The following PIK3R6 variants were observed in gnomAD, a reference collection of about 807,000 sequenced individuals.
The protein encoded by PIK3R6 is phosphoinositide-3-kinase regulatory subunit 6.
Under a neutral mutation model 84.9 loss-of-function variants are expected in PIK3R6, and 91 were observed. The observed-to-expected ratio is 1.07, with a 90% confidence interval of 0.90 to 1.28. The LOEUF (loss-of-function observed/expected upper bound fraction) is 1.28. PIK3R6 is among the 50% of genes most tolerant of loss of function. The pLI is 0.00. For missense variants in PIK3R6, 996 were observed against 985.1 expected (o/e 1.01, Z -0.15); for synonymous variants, 416 against 411.4 (o/e 1.01, Z -0.13).
At position 8,821,863 on chromosome 17, in the gene PIK3R6, G is replaced by A; in HGVS notation, c.1862C>T (p.Pro621Leu). The change falls in exon 17 of 20, where the codon CCA (proline) becomes CTA (leucine). Residue 621 changes from proline (P) to leucine (L), a missense_variant. Transcript: ENST00000619866. The part of the protein sequence containing the change: ...RATGLILKAI[P>L]ASDTEVSGSS... ...TTCCTCACCTTCTGTGTCGCTGGCT[G>A]GAATGGCCTTCAGGATCAGCCCAGT... 2 of 1,596,620 alleles carry A rather than the reference G, an allele frequency of 1.3e-6. No homozygotes were observed. Among genetic ancestry groups the A allele is most frequent in the Non-Finnish European group, 1.7e-6 (2 of 1,171,442 alleles).
intron 1 of PIK3R6, among the ~76,000 whole-genome samples, chr17:8,866,396 G>A (rs1597451333): frequency 1.3e-5 from 2 of 152,050 alleles, no homozygotes; most frequent in East Asian, 3.9e-4. Flanking sequence ...CAAAAAATTA[G>A]CCAGGCGTGG....
In PIK3R6 at chr17:8,833,541, CT is replaced by C. The variant is rs3884448; in HGVS notation, c.646-497del. 4.5e-3 allele frequency among the ~76,000 whole-genome samples: 587 copies of C among 130,760 alleles called. 5 individuals are homozygous for C. Among genetic ancestry groups the C allele is most frequent in the South Asian group, 0.015 (60 of 4,112 alleles). The allele number at this position is 130,760 out of a possible 152,430, so 85.8% of individuals were successfully genotyped here. The stretch of plus-strand genomic sequence containing the variant: ...TGGGAAGCCCCCCCTGAGAAAGTGA[CT>C]TTTTTTTTTTTTTTTTTGAGACGGA... On this transcript the variant is annotated intron_variant, in intron 8 of 19. Coordinates refer to ENST00000619866, the MANE Select transcript of PIK3R6 (RefSeq NM_001010855.4).
chr17:8,815,038 C>T (rs1191744183), intron 18 of PIK3R6, among the ~76,000 whole-genome samples: 2 of 152,120 alleles, frequency 1.3e-5, no homozygotes, highest in African/African-American at 4.8e-5. Flanking sequence ...CAGACAGAAT[C>T]GACAAAATCA....
intron 1 of PIK3R6, among the ~76,000 whole-genome samples, chr17:8,859,978 C>G (rs1279336181): frequency 6.6e-6 from 1 of 152,174 alleles, no homozygotes. Flanking sequence ...AGTGGCCTGA[C>G]TAATACAATG....
At chr17:8,866,803 C>T (rs1173788566) in intron 1 of PIK3R6, among the ~76,000 whole-genome samples, 3 of 152,134 alleles carry the variant, frequency 2.0e-5, no homozygotes, top group Non-Finnish European at 4.4e-5. Flanking sequence ...CCTCCTGGCT[C>T]GCTGAGGACC....
At position 8,855,026 on chromosome 17, in the gene PIK3R6, C is replaced by G. The variant is rs536860487; in HGVS notation, c.-91-5141G>C. ...TGGCCAATATAGTGAAACCCCATTT[C>G]TACTAAAAATACAAACATTAGTTGG... On this transcript the variant is annotated intron_variant, in intron 1 of 19. Transcript: ENST00000619866. Among the ~76,000 whole-genome samples, 8 of 152,246 alleles carry G rather than the reference C, an allele frequency of 5.3e-5. No homozygotes were observed. In the South Asian group the frequency reaches 1.7e-3, roughly 32 times the overall value.
intron 18 of PIK3R6, among the ~76,000 whole-genome samples, chr17:8,812,534 A>C (rs958987517): frequency 2.6e-5 from 4 of 152,212 alleles, no homozygotes; most frequent in African/African-American, 9.6e-5. Flanking sequence ...TTTTTTAAAA[A>C]CCTGAAGTCA....
chr17:8,840,321 CCTCCAAATATGTATATGAAATATATAT>C (rs1432838577), intron 2 of PIK3R6, among the ~76,000 whole-genome samples: 3,021 of 135,990 alleles, frequency 0.022, 81 homozygotes, highest in Non-Finnish European at 0.032. Flanking sequence ...ATATATATAG[CCTCCAAATATGTATATGAAATATATAT>C]AGCCTCCAAA....
rs758543919 is a variant in PIK3R6 at position 8,836,567 on chromosome 17, C to T, written c.441G>A (p.Glu147=). ...MVIAEQNLTN[E]LYPYQERVFL... is the part of the protein sequence containing the mutation. ...CTCACCTCTCCTGGTAGGGATACAG[C>T]TCATTCGTCAAGTTCTGTTCGGCAA... Residue 147 remains glutamate, a synonymous_variant, in exon 7 of 20, where the codon GAG becomes GAA. Transcript: ENST00000619866. 6.2e-7 allele frequency: 1 copy of T among 1,614,000 alleles called. No homozygotes were observed. The highest frequency in any genetic ancestry group is 2.2e-5 in the East Asian group (1 of 44,884).
At chr17:8,804,662 A>T (rs1408472426) in intron 18 of PIK3R6, among the ~76,000 whole-genome samples, 1 of 152,178 alleles carries the variant, frequency 6.6e-6, no homozygotes, top group East Asian at 1.9e-4. Context: ...AAGCACCCCC[A>T]GGCATCCTTA....
chr17:8,843,875 C>T (rs2088753303), intron 2 of PIK3R6, among the ~76,000 whole-genome samples: 2 of 152,030 alleles, frequency 1.3e-5, no homozygotes. Flanking sequence ...CTCTGCCTGG[C>T]CCCTGGAGGC....
At chr17:8,850,108 A>G (rs1176464357) in intron 1 of PIK3R6, among the ~76,000 whole-genome samples, 2 of 152,162 alleles carry the variant, frequency 1.3e-5, no homozygotes, top group African/African-American at 2.4e-5. Context: ...GTTCGAGACC[A>G]GCCCAACAAA....
intron 1 of PIK3R6, among the ~76,000 whole-genome samples, chr17:8,855,633 G>C (rs147306008): frequency 2.9e-4 from 44 of 152,336 alleles, no homozygotes; most frequent in African/African-American, 9.9e-4. Context: ...TGGGATACAT[G>C]TGCAGAACGT....
chr17:8,853,255 G>A (rs1404911177), intron 1 of PIK3R6, among the ~76,000 whole-genome samples: 1 of 151,758 alleles, frequency 6.6e-6, no homozygotes, highest in Non-Finnish European at 1.5e-5. Flanking sequence ...GGAGGCCGAG[G>A]GGGGCAGATC....
chr17:8,853,873 G>A (rs928369508), intron 1 of PIK3R6, among the ~76,000 whole-genome samples: 11 of 151,208 alleles, frequency 7.3e-5, no homozygotes, highest in Non-Finnish European at 1.5e-4. Context: ...TGAGGCAGGA[G>A]AATCGTTTGA....
chr17:8,840,304 ATATGAAATATATATAGCCTCCAAATATG>A (rs1269666280), intron 2 of PIK3R6, among the ~76,000 whole-genome samples: 95 of 140,566 alleles, frequency 6.8e-4, no homozygotes, highest in African/African-American at 2.4e-3. Flanking sequence ...ACAAATATGT[ATATGAAATATATATAGCCTCCAAATATG>A]TATATGAAAT....
chr17:8,822,342 T>C (rs908831420), intron 16 of PIK3R6, among the ~76,000 whole-genome samples: 1 of 152,178 alleles, frequency 6.6e-6, no homozygotes, highest in Non-Finnish European at 1.5e-5. Flanking sequence ...GCAAGGAAGA[T>C]ATTTTTTAGC....
At position 8,804,003 on chromosome 17, in the gene PIK3R6, G is replaced by A. The variant is rs562140058; in HGVS notation, c.2108+38C>T. The A allele has an allele frequency of 2.1e-5, 33 of 1,550,434 alleles. No individual in the cohort carries two copies. In the South Asian group the frequency reaches 2.5e-4, roughly 12 times the overall value. The stretch of plus-strand genomic sequence containing the variant: ...TGGCTCCTGCTTCAGTTTGTCCCAC[G>A]GGCCCTGGACATCTAGGGTTGGCAG... On this transcript the variant is annotated intron_variant, in intron 19 of 19. Coordinates refer to ENST00000619866, the MANE Select transcript of PIK3R6 (RefSeq NM_001010855.4).
chr17:8,826,328 G>A (rs563625381), intron 13 of PIK3R6, among the ~76,000 whole-genome samples: 4 of 152,158 alleles, frequency 2.6e-5, no homozygotes, highest in African/African-American at 7.2e-5. Context: ...ACATGCACAC[G>A]TATGTTTATT....
Sources: allele counts gnomAD v4.1 joint callset (sites outside exome capture counted in the v4.1 genomes callset), GRCh38; gene constraint gnomAD v4.1.1; transcripts MANE v1.5; gene names NCBI Gene and HGNC (gene_info 2026-07-23, HGNC 2026-07-21).